MACROD2: variants seen among roughly 807,000 people sequenced by gnomAD.
The protein encoded by MACROD2 is ADP-ribose glycohydrolase MACROD2.
MACROD2 carries 36 observed loss-of-function variants against 70.4 expected under a neutral mutation model. The observed-to-expected ratio is 0.51, with a 90% CI of 0.39 to 0.68. The LOEUF (loss-of-function observed/expected upper bound fraction) is 0.68, where lower values mean the gene tolerates loss of function less well. Among genes scored for constraint, MACROD2 ranks in the 30% least tolerant of loss-of-function variants. The pLI is 0.00. For synonymous variants in MACROD2, 172 were observed against 178.8 expected, an observed-to-expected ratio of 0.96 and a Z score of 0.30; for missense variants, 496 against 538.4, an observed-to-expected ratio of 0.92 and a Z score of 0.78.
chr20:15,608,765 AG>A (rs2048927953), intron 8 of MACROD2, among the ~76,000 whole-genome samples: 1 of 152,002 alleles, frequency 6.6e-6, no homozygotes, highest in Non-Finnish European at 1.5e-5. Flanking sequence ...GGCTTTTTGA[AG>A]TCCTGTTTAA....
intron 17 of MACROD2, among the ~76,000 whole-genome samples, chr20:16,046,213 T>G (rs1176022571): frequency 6.6e-6 from 1 of 152,198 alleles, no homozygotes; most frequent in Admixed American, 6.5e-5. Context: ...ACATGTCTTA[T>G]TCCTGTATGG....
At chr20:15,483,060 T>C (rs1467866275) in intron 7 of MACROD2, among the ~76,000 whole-genome samples, 1 of 152,174 alleles carries the variant, frequency 6.6e-6, no homozygotes, top group East Asian at 1.9e-4. Context: ...GAGCAGATGT[T>C]TTTTAATTTT....
At chr20:15,256,014 T>C (rs1263055593) in intron 6 of MACROD2, among the ~76,000 whole-genome samples, 1 of 152,060 alleles carries the variant, frequency 6.6e-6, no homozygotes, top group Non-Finnish European at 1.5e-5. Context: ...TTTTCACTCC[T>C]TTTTTTCTTG....
chr20:14,110,889 A>G (rs900206040), intron 3 of MACROD2, among the ~76,000 whole-genome samples: 5 of 152,142 alleles, frequency 3.3e-5, no homozygotes, highest in African/African-American at 9.6e-5. Context: ...TAAAATGTAT[A>G]TGGAACCACA....
intron 4 of MACROD2, among the ~76,000 whole-genome samples, chr20:14,527,072 G>C (rs1195910345): frequency 6.6e-6 from 1 of 152,212 alleles, no homozygotes; most frequent in Non-Finnish European, 1.5e-5. Flanking sequence ...TTCCCCTAGA[G>C]TTGGGCCTCC....
chr20:14,583,138 C>T (rs1981153182), intron 4 of MACROD2, among the ~76,000 whole-genome samples: 2 of 152,194 alleles, frequency 1.3e-5, no homozygotes, highest in Admixed American at 1.3e-4. Flanking sequence ...ACTTGAGAAA[C>T]AGCTGCAGTG....
intron 2 of MACROD2, among the ~76,000 whole-genome samples, chr20:14,011,528 C>T (rs1053153985): frequency 1.4e-5 from 2 of 148,110 alleles, no homozygotes; most frequent in Admixed American, 6.9e-5. Flanking sequence ...TCTTTCTCTT[C>T]GATTTTTTTT....
At chr20:14,464,352 T>A (rs2084412266) in intron 3 of MACROD2, among the ~76,000 whole-genome samples, 1 of 152,140 alleles carries the variant, frequency 6.6e-6, no homozygotes, top group African/African-American at 2.4e-5. Context: ...CTGATTGTAG[T>A]TTGTATTTCT....
At chr20:15,257,285 T>C (rs2077208026) in intron 6 of MACROD2, among the ~76,000 whole-genome samples, 1 of 151,964 alleles carries the variant, frequency 6.6e-6, no homozygotes, top group African/African-American at 2.4e-5. Context: ...GATGCCAAAC[T>C]GAGACAAATG....
At chr20:14,707,186 G>T (rs2071279690) in intron 5 of MACROD2, among the ~76,000 whole-genome samples, 1 of 152,126 alleles carries the variant, frequency 6.6e-6, no homozygotes, top group Non-Finnish European at 1.5e-5. Flanking sequence ...ATGATGGCCA[G>T]GGCGAATGGG....
chr20:14,364,843 C>T (rs1001631908), intron 3 of MACROD2, among the ~76,000 whole-genome samples: 4 of 152,138 alleles, frequency 2.6e-5, no homozygotes, highest in African/African-American at 9.7e-5. Context: ...TCAAAATTTG[C>T]CCATCCATTC....
intron 5 of MACROD2, among the ~76,000 whole-genome samples, chr20:15,030,356 C>A (rs144037610): frequency 6.6e-6 from 1 of 152,110 alleles, no homozygotes; most frequent in Non-Finnish European, 1.5e-5. Flanking sequence ...CCCAGGTATT[C>A]GGAAGATCAC....
intron 3 of MACROD2, among the ~76,000 whole-genome samples, chr20:14,264,693 C>T (rs891607885): frequency 2.0e-5 from 3 of 151,786 alleles, no homozygotes; most frequent in Admixed American, 6.6e-5. Flanking sequence ...CCCTGTGTCA[C>T]GTGAGGAGAG....
intron 5 of MACROD2, chr20:14,757,617 G>A (rs921764400): frequency 8.5e-7 from 1 of 1,173,640 alleles, no homozygotes; most frequent in East Asian, 2.4e-5. Context: ...TTTAAGGAGG[G>A]AGTCATGGTG....
intron 5 of MACROD2, among the ~76,000 whole-genome samples, chr20:14,971,283 G>A (rs1164867159): frequency 1.3e-5 from 2 of 151,992 alleles, no homozygotes. Context: ...GTCACCTTAA[G>A]AGGTGAGTAG....
intron 5 of MACROD2, among the ~76,000 whole-genome samples, chr20:14,796,048 C>CTA (rs1481573295): frequency 2.0e-5 from 3 of 152,078 alleles, no homozygotes; most frequent in Admixed American, 2.0e-4. Flanking sequence ...TTTTATGAGC[C>CTA]TATATATATT....
intron 6 of MACROD2, among the ~76,000 whole-genome samples, chr20:15,407,923 T>G (rs1004957045): frequency 1.3e-5 from 2 of 152,138 alleles, no homozygotes; most frequent in African/African-American, 4.8e-5. Flanking sequence ...AGTGATTTCC[T>G]CAGGGTCACA....
At chr20:15,719,609 G>A (rs777514962) in intron 8 of MACROD2, among the ~76,000 whole-genome samples, 7 of 151,832 alleles carry the variant, frequency 4.6e-5, no homozygotes, top group Non-Finnish European at 1.0e-4. Flanking sequence ...GGTTTGCTTG[G>A]CATCATGTCT....
rs118176414 is a variant in MACROD2 at position 14,297,214 on chromosome 20, A to G, written c.272-196265A>G. ...TCCCTCTTCCCTGAGACACAACAAT[A>G]TTAAAATTAGGCCAATTAATAACCC... On this transcript the variant is annotated intron_variant, in intron 3 of 17. Transcript: ENST00000684519. Among the ~76,000 whole-genome samples the G allele has an allele frequency of 3.6e-4, 55 of 151,908 alleles. 1 individual carries two copies. The East Asian group carries it at 0.01, about 29-fold the overall frequency.
Sources: allele counts gnomAD v4.1 joint callset (sites outside exome capture counted in the v4.1 genomes callset), GRCh38; gene constraint gnomAD v4.1.1; transcripts MANE v1.5; gene names NCBI Gene and HGNC (gene_info 2026-07-23, HGNC 2026-07-21).